PSME4: variants seen among roughly 807,000 people sequenced by gnomAD.
PSME4 encodes the protein proteasome activator subunit 4.
In PSME4, 89 loss-of-function variants were observed where a neutral mutation model predicts 253.9. That is an observed-to-expected ratio of 0.35 (90% CI 0.30 to 0.42). The LOEUF (loss-of-function observed/expected upper bound fraction) is 0.42. Ranked by LOEUF, PSME4 falls within the 10% of genes least tolerant of loss-of-function variation. The pLI is 1.00. For synonymous variants in PSME4, 851 were observed against 759.2 expected, an observed-to-expected ratio of 1.12 and a Z score of -1.99; for missense variants, 2,014 against 2,195.2, an observed-to-expected ratio of 0.92 and a Z score of 1.65.
At chr2:53,888,641 T>C (rs944844117) in intron 38 of PSME4, 80 bp downstream of exon 38, 9 of 984,844 alleles carry the variant, frequency 9.1e-6, no homozygotes, top group East Asian at 2.4e-5. Flanking sequence ...TTTACAAGTA[T>C]AGACCATTCA....
chr2:53,966,563 CAAA>C (rs35339533), intron 1 of PSME4, among the ~76,000 whole-genome samples: 2 of 136,752 alleles, frequency 1.5e-5, no homozygotes. Flanking sequence ...ACTCTGTCTC[CAAA>C]AAAAAAAAAA....
intron 41 of PSME4, among the ~76,000 whole-genome samples, chr2:53,878,265 T>TA (rs1357482242): frequency 6.6e-6 from 1 of 152,220 alleles, no homozygotes; most frequent in East Asian, 1.9e-4. Context: ...CATGCACACT[T>TA]ATCACTTCCC....
Position 53,928,192 on chromosome 2 carries a change from T to G in PSME4, c.1428A>C (p.Glu476Asp). The G allele has an allele frequency of 6.2e-7, 1 of 1,614,140 alleles. No homozygotes were observed. Among genetic ancestry groups the G allele is most frequent in the Non-Finnish European group, 8.5e-7 (1 of 1,180,000 alleles). Residue 476 changes from glutamate (E) to aspartate (D), a missense_variant, in exon 11 of 47, where the codon GAA becomes GAC. Glu to Asp is a conservative substitution (Grantham distance 45). Coordinates refer to ENST00000404125, the MANE Select transcript of PSME4 (RefSeq NM_014614.3). ...ACAGAGGTAGCATATGTGTAGGACC[T>G]TCAGGAAACCATCTGCCTCCTGATA... is the stretch of plus-strand genomic sequence containing the variant. ...SLVSGGRWFP[E>D]GPTHMLPLLM...
intron 43 of PSME4, among the ~76,000 whole-genome samples, chr2:53,871,752 C>T (rs991978419): frequency 5.3e-5 from 8 of 152,014 alleles, no homozygotes; most frequent in African/African-American, 1.4e-4. Flanking sequence ...TGGTGGCTCA[C>T]GCCTGTATCC....
intron 41 of PSME4, among the ~76,000 whole-genome samples, chr2:53,884,504 G>A (rs544385086): frequency 7.2e-5 from 11 of 152,100 alleles, no homozygotes; most frequent in South Asian, 2.1e-4. Context: ...CCACCACACC[G>A]GGCCTCTATC....
chr2:53,967,858 T>C (rs1670818445), intron 1 of PSME4, among the ~76,000 whole-genome samples: 1 of 152,010 alleles, frequency 6.6e-6, no homozygotes, highest in Non-Finnish European at 1.5e-5. Context: ...TGCAACTGTT[T>C]CCAGTATTTT....
intron 1 of PSME4, among the ~76,000 whole-genome samples, chr2:53,956,428 G>C (rs74813868): frequency 6.6e-6 from 1 of 151,794 alleles, no homozygotes; most frequent in Non-Finnish European, 1.5e-5. Flanking sequence ...TACTCGGGGG[G>C]CTGAGGCAGG....
At position 53,898,343 on chromosome 2, in the gene PSME4, T is replaced by A. The variant is rs745379159; in HGVS notation, c.3434A>T (p.Asn1145Ile). The A allele has an allele frequency of 6.2e-7, 1 of 1,603,356 alleles. No homozygotes were observed. Among genetic ancestry groups the A allele is most frequent in the Admixed American group, 1.7e-5 (1 of 58,816 alleles). Residue 1145 changes from asparagine to isoleucine, a missense_variant, in exon 30 of 47, where the codon AAT becomes ATT. Asn to Ile is a moderately radical substitution (Grantham distance 149). This residue lies in a region of PSME4 where 989 missense variants were observed against 1,021.1 expected (regional missense o/e 0.97). Coordinates refer to ENST00000404125, the MANE Select transcript of PSME4 (RefSeq NM_014614.3). ...KNADALRNYE[N>I]LVDTLLDGVE... ...ACCATCTAGCAAGGTGTCTACCAAA[T>A]TTTCATAGTTCCTTTAAAAAAAAGG...
Position 53,890,201 on chromosome 2 carries a change from T to G in PSME4, c.4199A>C (p.Lys1400Thr), listed in dbSNP as rs758193312. The change falls in exon 37 of 47, where the codon AAG becomes ACG. Residue 1400 changes from lysine to threonine, a missense_variant. This residue lies in a region of PSME4 where 403 missense variants were observed against 556.1 expected (regional missense o/e 0.72). Coordinates refer to ENST00000404125, the MANE Select transcript of PSME4 (RefSeq NM_014614.3). ...CAGAGGGCACAGAAGCTCCCAAAGC[T>G]TCTCCACCTACTCAAAACAAAATAT... ...SKHWTFEKVE[K>T]LWELLCPLLR... 31 of 1,610,990 alleles carry G rather than the reference T, an allele frequency of 1.9e-5. No individual in the cohort carries two copies. The highest frequency in any genetic ancestry group is 1.6e-4 in the Middle Eastern group (1 of 6,072).
At chr2:53,878,436 G>C (rs1679232348) in intron 41 of PSME4, among the ~76,000 whole-genome samples, 1 of 152,152 alleles carries the variant, frequency 6.6e-6, no homozygotes, top group South Asian at 2.1e-4. Flanking sequence ...CTTGAAAAAA[G>C]AACAGGATAA....
chr2:53,866,525 G>C (rs138078158), intron 45 of PSME4, among the ~76,000 whole-genome samples: 1 of 152,290 alleles, frequency 6.6e-6, no homozygotes, highest in Non-Finnish European at 1.5e-5. Flanking sequence ...GACTGGGAGG[G>C]ATAGAAGCTA....
chr2:53,871,897 C>A (rs1270121230), intron 43 of PSME4, among the ~76,000 whole-genome samples: 1 of 151,882 alleles, frequency 6.6e-6, no homozygotes, highest in Non-Finnish European at 1.5e-5. Context: ...GTCTGTAATC[C>A]CAGCTACTCA....
rs1678508834 is a variant in PSME4 at position 53,865,207 on chromosome 2, G to C, written c.*371C>G. 1 of 152,648 alleles carries C rather than the reference G, an allele frequency of 6.6e-6. No homozygotes were observed. Among genetic ancestry groups the C allele is most frequent in the African/African-American group, 2.4e-5 (1 of 41,446 alleles). The allele number at this position is 152,648 out of a possible 1,614,324, so 9.5% of individuals were successfully genotyped here. On this transcript the variant is annotated 3_prime_UTR_variant, in exon 47 of 47. Coordinates refer to ENST00000404125, the MANE Select transcript of PSME4 (RefSeq NM_014614.3). Reference sequence around the variant, plus strand: ...CAAAATAATTTGAGATGAATGAAATGACAGGACCTGTATTACAGATGGGTA... The same window carrying C: ...CAAAATAATTTGAGATGAATGAAATCACAGGACCTGTATTACAGATGGGTA...
intron 8 of PSME4, chr2:53,933,029 G>A: frequency 5.4e-6 from 2 of 371,344 alleles, no homozygotes. Context: ...ATAACAAACA[G>A]CGTACTTTAC....
In PSME4 at chr2:53,925,822, G is replaced by C. The variant is rs145557407; in HGVS notation, c.1659-133C>G. On this transcript the variant is annotated intron_variant, in intron 13 of 46. Coordinates refer to ENST00000404125, the MANE Select transcript of PSME4 (RefSeq NM_014614.3). ...TTAATTTCTACGTGGTTCACAAATC[G>C]ATTATCCTTTTATAACTTCAGGAGC... The C allele has an allele frequency of 7.9e-5, 99 of 1,260,212 alleles. 1 individual carries two copies. In the East Asian group the frequency reaches 2.2e-3, roughly 28 times the overall value. The allele number at this position is 1,260,212 out of a possible 1,614,324, so 78.1% of individuals were successfully genotyped here. A position where few individuals can be genotyped will look rare whatever the true frequency, so the allele number is the denominator to read the frequency against.
intron 6 of PSME4, 62 bp downstream of exon 6, chr2:53,936,702 A>T (rs921282377): frequency 8.4e-7 from 1 of 1,195,748 alleles, no homozygotes; most frequent in Non-Finnish European, 1.2e-6. Flanking sequence ...TTAAAAAAGT[A>T]TGGGGGGGAA....
chr2:53,897,784 G>C, intron 31 of PSME4, 86 bp downstream of exon 31: 1 of 1,395,256 alleles, frequency 7.2e-7, no homozygotes, highest in Non-Finnish European at 1.0e-6. Flanking sequence ...TATTAACCAA[G>C]TGTGTATTGC....
At position 53,970,576 on chromosome 2, in the gene PSME4, G is replaced by A. The variant is rs1558440144; in HGVS notation, c.209C>T (p.Pro70Leu). The change falls in exon 1 of 47, where the codon CCC (proline) becomes CTC (leucine). Residue 70 changes from proline (P) to leucine (L), a missense_variant. Around this residue, in one of 4 missense-constraint regions of PSME4, gnomAD observed 615 missense variants for 594.4 expected, o/e 1.03. Coordinates refer to ENST00000404125, the MANE Select transcript of PSME4 (RefSeq NM_014614.3). ...GRAVQLQELW[P>L]GGLFWTRKLS... ...TTTCCTGGTCCAGAAGAGGCCCCCG[G>A]GCCACAGCTCTTGGAGCTGCACGGC... 2 of 1,548,220 alleles carry A rather than the reference G, an allele frequency of 1.3e-6. No homozygotes were observed. Among genetic ancestry groups the A allele is most frequent in the Non-Finnish European group, 1.7e-6 (2 of 1,146,740 alleles).
intron 3 of PSME4, among the ~76,000 whole-genome samples, chr2:53,947,858 A>C (rs1669796210): frequency 1.3e-5 from 2 of 151,864 alleles, no homozygotes; most frequent in Admixed American, 6.6e-5. Context: ...TCTACTAAAA[A>C]TACAAACATT....
Sources: allele counts gnomAD v4.1 joint callset (sites outside exome capture counted in the v4.1 genomes callset), GRCh38; gene constraint gnomAD v4.1.1; regional missense constraint gnomAD v4.1.1; transcripts MANE v1.5; gene names NCBI Gene and HGNC (gene_info 2026-07-23, HGNC 2026-07-21).